The following SPTBN4 variants were observed in gnomAD, a reference collection of about 807,000 sequenced individuals.
SPTBN4 encodes spectrin beta chain, non-erythrocytic 4.
A neutral mutation model predicts 277.8 loss-of-function variants in SPTBN4; 96 were observed. That is an observed-to-expected ratio of 0.35 (90% confidence interval 0.29 to 0.41). SPTBN4 has a LOEUF of 0.41. SPTBN4 is among the 10% of genes least tolerant of loss of function. SPTBN4 has a pLI of 1.00. For missense variants in SPTBN4, 3,006 were observed against 3,595.7 expected (o/e 0.84, Z 4.19); for synonymous variants, 1,481 against 1,580.3 (o/e 0.94, Z 1.49).
intron 11 of SPTBN4, among the ~76,000 whole-genome samples, 175 bp downstream of exon 11, chr19:40,503,108 G>A (rs2080282593): frequency 6.6e-6 from 1 of 152,086 alleles, no homozygotes; most frequent in South Asian, 2.1e-4. Flanking sequence ...TGTTGGGTGA[G>A]GGGAATGGGC....
intron 13 of SPTBN4, among the ~76,000 whole-genome samples, chr19:40,509,075 T>C (rs2080361449): frequency 6.7e-6 from 1 of 148,542 alleles, no homozygotes; most frequent in Admixed American, 6.8e-5. Context: ...ATTATTGTTG[T>C]TGTTTATTGC....
chr19:40,570,818 C>A (rs1478665003), intron 33 of SPTBN4, 90 bp downstream of exon 33: 3 of 1,366,028 alleles, frequency 2.2e-6, no homozygotes, highest in Admixed American at 5.2e-5. Context: ...GGGTGTGGCT[C>A]AACTTCAGGC....
intron 22 of SPTBN4, among the ~76,000 whole-genome samples, chr19:40,550,778 C>G (rs547644687): frequency 1.3e-5 from 2 of 152,270 alleles, no homozygotes; most frequent in South Asian, 4.1e-4. Context: ...CTCAGCCTCC[C>G]AAAGTGCTGA....
chr19:40,505,626 C>T lies in SPTBN4; in HGVS notation c.1666-610C>T, dbSNP rs559530041. On this transcript the variant is annotated intron_variant, in intron 12 of 35. Coordinates refer to ENST00000598249, the MANE Select transcript of SPTBN4 (RefSeq NM_020971.3). ...TGGAGTTTGCAGTGAGCTGAGATCGCGCCACTGCACTCCAGCCTGGGTGAC... is the reference window on the plus strand; with the variant it reads ...TGGAGTTTGCAGTGAGCTGAGATCGTGCCACTGCACTCCAGCCTGGGTGAC... Among the ~76,000 whole-genome samples the T allele has an allele frequency of 1.1e-4, 16 of 150,650 alleles. 1 individual carries two copies. The East Asian group carries it at 2.0e-3, about 18-fold the overall frequency.
chr19:40,554,332 C>G lies in SPTBN4; in HGVS notation c.4860C>G (p.Ala1620=), dbSNP rs376610266. ...AERRQQVLDA[A]FQVEQYYFDV... is the part of the protein sequence containing the mutation. ...GACGGCAGCAGGTGCTGGACGCCGC[C>G]TTCCAGGTGGAGCAGTACTACTTCG... is the stretch of plus-strand genomic sequence containing the variant. Residue 1620 remains alanine (A), a synonymous_variant, in exon 23 of 36, where the codon GCC becomes GCG. Transcript: ENST00000598249. The surrounding 1 kb of genome is among the most constrained non-coding windows in gnomAD (Gnocchi z 5.7). 1.0e-5 allele frequency: 16 copies of G among 1,563,582 alleles called. No homozygotes were observed. In the African/African-American group the frequency reaches 2.2e-4, roughly 21 times the overall value.
intron 20 of SPTBN4, among the ~76,000 whole-genome samples, chr19:40,539,724 C>T (rs2080777148): frequency 6.6e-6 from 1 of 151,144 alleles, no homozygotes; most frequent in Admixed American, 6.6e-5. Context: ...AAGTGATCCA[C>T]CCACCTCCGC....
At chr19:40,531,896 GT>G (rs1208400900) in intron 18 of SPTBN4, among the ~76,000 whole-genome samples, 1 of 152,020 alleles carries the variant, frequency 6.6e-6, no homozygotes, top group Admixed American at 6.6e-5. Flanking sequence ...TTTGGCTGGG[GT>G]TGGCTTTGGT....
intron 4 of SPTBN4, 61 bp from the exon 5 acceptor site, chr19:40,492,901 TG>T: frequency 2.1e-6 from 3 of 1,437,098 alleles, no homozygotes; most frequent in Non-Finnish European, 2.9e-6. Context: ...AGATGGTGAG[TG>T]GGGGGCATTC....
At chr19:40,528,877 C>G (rs2080626691) in intron 17 of SPTBN4, among the ~76,000 whole-genome samples, 164 bp from the exon 18 acceptor site, 1 of 151,958 alleles carries the variant, frequency 6.6e-6, no homozygotes, top group East Asian at 1.9e-4. Flanking sequence ...CTTCTTCAGC[C>G]CCGTCCCTGC....
chr19:40,477,974 G>A (rs1289055895), intron 2 of SPTBN4, among the ~76,000 whole-genome samples: 2 of 152,104 alleles, frequency 1.3e-5, no homozygotes, highest in African/African-American at 4.8e-5. Context: ...GAGTAGCTGG[G>A]ATTACAGGCG....
intron 2 of SPTBN4, among the ~76,000 whole-genome samples, chr19:40,485,875 A>G (rs763754655): frequency 6.6e-6 from 1 of 152,014 alleles, no homozygotes; most frequent in African/African-American, 2.4e-5. Context: ...AAGATATACA[A>G]CTGTCTGATG....
Position 40,501,813 on chromosome 19 carries a change from A to G in SPTBN4, c.785-108A>G, listed in dbSNP as rs1599736904. On this transcript the variant is annotated intron_variant, in intron 7 of 35. Coordinates refer to ENST00000598249, the MANE Select transcript of SPTBN4 (RefSeq NM_020971.3). ...AACAGAGAGGTTAATTATCTTGCCC[A>G]AGGTCACACAGCTAGTGAGAGTGGC... The G allele has an allele frequency of 5.8e-6, 5 of 868,130 alleles. No homozygotes were observed. In the East Asian group the frequency reaches 1.2e-4, roughly 21 times the overall value. The allele number at this position is 868,130 out of a possible 1,614,324, so 53.8% of individuals were successfully genotyped here. A position where few individuals can be genotyped will look rare whatever the true frequency, so the allele number is the denominator to read the frequency against.
chr19:40,518,881 T>G (rs2145875200), intron 15 of SPTBN4, among the ~76,000 whole-genome samples: 2 of 152,300 alleles, frequency 1.3e-5, no homozygotes, highest in Middle Eastern at 3.4e-3. Context: ...CGTTCTAGCC[T>G]GGGCAACATA....
intron 16 of SPTBN4, 37 bp downstream of exon 16, chr19:40,520,188 T>C: frequency 9.1e-7 from 1 of 1,094,384 alleles, no homozygotes; most frequent in East Asian, 6.9e-5. Flanking sequence ...AGAGGGAGAG[T>C]CCGAGGCCGC....
intron 13 of SPTBN4, 135 bp from the exon 14 acceptor site, chr19:40,512,471 T>C: frequency 8.4e-7 from 1 of 1,188,858 alleles, no homozygotes; most frequent in Non-Finnish European, 1.1e-6. Flanking sequence ...CAGGGAAGGC[T>C]GCCTGGAGGA....
At chr19:40,536,362 T>A (rs532578266) in intron 20 of SPTBN4, among the ~76,000 whole-genome samples, 1 of 152,060 alleles carries the variant, frequency 6.6e-6, no homozygotes. Context: ...TACAGGCATG[T>A]GCCACCACAC....
chr19:40,550,698 C>T (rs543011924), intron 22 of SPTBN4, among the ~76,000 whole-genome samples: 3 of 145,992 alleles, frequency 2.1e-5, no homozygotes, highest in Non-Finnish European at 4.5e-5. Context: ...AGATGGACGG[C>T]GGGGGGTGGG....
chr19:40,550,208 C>T, intron 21 of SPTBN4, 30 bp from the exon 22 acceptor site: 1 of 1,605,684 alleles, frequency 6.2e-7, no homozygotes, highest in Non-Finnish European at 8.5e-7. Context: ...ATGCATTCTC[C>T]CCTTGACCTG....
At chr19:40,552,642 G>T (rs909153982) in intron 22 of SPTBN4, among the ~76,000 whole-genome samples, 1 of 152,134 alleles carries the variant, frequency 6.6e-6, no homozygotes, top group Non-Finnish European at 1.5e-5. Context: ...TGGTGGGGAG[G>T]TGGGTCTACA....
Sources: allele counts gnomAD v4.1 joint callset (sites outside exome capture counted in the v4.1 genomes callset), GRCh38; gene constraint gnomAD v4.1.1; non-coding constraint Gnocchi (gnomAD v3.1); transcripts MANE v1.5; gene names NCBI Gene and HGNC (gene_info 2026-07-23, HGNC 2026-07-21).